CCNJL: variants seen among roughly 807,000 people sequenced by gnomAD.
CCNJL encodes cyclin-J-like protein.
A neutral mutation model predicts 33.4 loss-of-function variants in CCNJL; 33 were observed. That is an observed-to-expected ratio of 0.99 (90% CI 0.75 to 1.32). The LOEUF is 1.32. CCNJL is among the 40% of genes most tolerant of loss of function. The probability of loss-of-function intolerance (pLI) is 0.00; values close to 1 mark genes in which losing one functional copy is unlikely to be tolerated. For synonymous variants in CCNJL, 227 were observed against 220.9 expected (o/e 1.03, Z -0.24); for missense variants, 512 against 499.7 (o/e 1.02, Z -0.23).
chr5:160,272,277 A>G (rs1761863751), intron 3 of CCNJL, among the ~76,000 whole-genome samples: 1 of 152,218 alleles, frequency 6.6e-6, no homozygotes, highest in African/African-American at 2.4e-5. Flanking sequence ...TAATCAAAGC[A>G]GGGGTGAGTG....
At chr5:160,315,086 A>G (rs1487188079), upstream of CCNJL, among the ~76,000 whole-genome samples, 3 of 152,348 alleles carry the variant, frequency 2.0e-5, no homozygotes, top group East Asian at 5.8e-4. Context: ...GAACCATTAG[A>G]ACAGGGAACT....
intron 1 of CCNJL, among the ~76,000 whole-genome samples, chr5:160,339,182 C>A (rs1049763756): frequency 2.0e-5 from 3 of 151,952 alleles, no homozygotes; most frequent in Non-Finnish European, 4.4e-5. Flanking sequence ...TCTCTATAAA[C>A]AAGAGATGGC....
intron 2 of CCNJL, among the ~76,000 whole-genome samples, chr5:160,293,665 T>C (rs1033465072): frequency 3.9e-5 from 6 of 152,180 alleles, no homozygotes; most frequent in African/African-American, 1.4e-4. Flanking sequence ...GTAAATGCTA[T>C]GTGCATTTGC....
At chr5:160,278,642 G>A (rs528869920) in intron 3 of CCNJL, among the ~76,000 whole-genome samples, 2 of 152,304 alleles carry the variant, frequency 1.3e-5, no homozygotes, top group East Asian at 1.9e-4. Flanking sequence ...CTCCGCCAAG[G>A]TGGCAGCAGC....
rs1210928194 is a variant in CCNJL, at chr5:160,309,986, A to G, written c.66+1872T>C. Among the ~76,000 whole-genome samples, 7 of 152,326 alleles carry G rather than the reference A, an allele frequency of 4.6e-5. No individual in the cohort carries two copies. In the East Asian group the frequency reaches 1.2e-3, roughly 25 times the overall value. On this transcript the variant is annotated intron_variant, in intron 2 of 5. Coordinates refer to ENST00000257536, the MANE Select transcript of CCNJL (RefSeq NM_001308173.3). ...CCTTTCTTGCTTCTTTGAGCAGCCGAAGGAACATTTAGGACATCCTCCCTT... is the reference window on the plus strand; with the variant it reads ...CCTTTCTTGCTTCTTTGAGCAGCCGGAGGAACATTTAGGACATCCTCCCTT...
intron 3 of CCNJL, among the ~76,000 whole-genome samples, chr5:160,260,419 A>G (rs1355643095): frequency 1.3e-5 from 2 of 152,188 alleles, no homozygotes; most frequent in Non-Finnish European, 2.9e-5. Flanking sequence ...AAAGGACACA[A>G]GCGAGTCACC....
rs954339244 is a variant in CCNJL, at chr5:160,250,610, A to G, written c.*2768T>C. The G allele has an allele frequency of 6.6e-6, 1 of 152,182 alleles. No homozygotes were observed. Among genetic ancestry groups the G allele is most frequent in the Non-Finnish European group, 1.5e-5 (1 of 68,020 alleles). The allele number at this position is 152,182 out of a possible 1,614,324, so 9.4% of individuals were successfully genotyped here. A position where few individuals can be genotyped will look rare whatever the true frequency, so the allele number is the denominator to read the frequency against. On this transcript the variant is annotated 3_prime_UTR_variant, in exon 6 of 6. Transcript: ENST00000257536. ...AGAAGTCTTGAGTGAGACTCCCTTC[A>G]AGGAGGAGTACGAATCTGACATTTT...
At chr5:160,320,831 TTC>T (rs781200189) in intron 1 of CCNJL, among the ~76,000 whole-genome samples, 2 of 123,922 alleles carry the variant, frequency 1.6e-5, no homozygotes, top group Non-Finnish European at 3.5e-5. Context: ...CTTTCTTTCT[TTC>T]TTTCTTTCTT....
intron 3 of CCNJL, among the ~76,000 whole-genome samples, chr5:160,265,085 G>C (rs570783487): frequency 2.6e-5 from 4 of 152,316 alleles, no homozygotes; most frequent in Non-Finnish European, 1.5e-5. Flanking sequence ...AGGTTCTGTA[G>C]AAATTCAGCA....
At chr5:160,274,276 T>C (rs1003553221) in intron 3 of CCNJL, among the ~76,000 whole-genome samples, 1 of 151,950 alleles carries the variant, frequency 6.6e-6, no homozygotes, top group Non-Finnish European at 1.5e-5. Flanking sequence ...CTGGCCAACA[T>C]GGTGAAACCC....
rs183824063 is a variant in CCNJL at position 160,321,719 on chromosome 5, A to T, written n.207-6214T>A. On this transcript the variant is annotated intron_variant and non_coding_transcript_variant, in intron 1 of 7. Transcript: ENST00000377503. Reference sequence around the variant, plus strand: ...CACTTTGGGAGGCAGAGGCAGGTAGATCAGTAGTTCAAGACCAGCCTTGCC... The same window carrying T: ...CACTTTGGGAGGCAGAGGCAGGTAGTTCAGTAGTTCAAGACCAGCCTTGCC... Among the ~76,000 whole-genome samples the T allele has an allele frequency of 2.1e-4, 32 of 152,284 alleles. No homozygotes were observed. In the East Asian group the frequency reaches 6.0e-3, roughly 28 times the overall value.
intron 2 of CCNJL, among the ~76,000 whole-genome samples, chr5:160,291,396 G>T (rs1762580463): frequency 1.3e-5 from 2 of 152,186 alleles, no homozygotes; most frequent in Admixed American, 6.5e-5. Flanking sequence ...CTCCTTAAAG[G>T]AAGCCTATAT....
intron 2 of CCNJL, among the ~76,000 whole-genome samples, chr5:160,303,689 C>T (rs1762996596): frequency 1.5e-5 from 2 of 135,370 alleles, no homozygotes; most frequent in Admixed American, 8.0e-5. Flanking sequence ...TTAAACAAAT[C>T]CTCTGTGTGT....
intron 2 of CCNJL, among the ~76,000 whole-genome samples, chr5:160,306,828 G>A (rs1020398546): frequency 6.6e-6 from 1 of 152,244 alleles, no homozygotes; most frequent in African/African-American, 2.4e-5. Flanking sequence ...CTACATTTCT[G>A]TTATCTGGGC....
intron 2 of CCNJL, among the ~76,000 whole-genome samples, chr5:160,304,298 G>A (rs1665867458): frequency 6.6e-6 from 1 of 152,320 alleles, no homozygotes; most frequent in African/African-American, 2.4e-5. Flanking sequence ...CAGTTTCAAA[G>A]CTAGACACTA....
At chr5:160,266,027 C>T (rs868740935) in intron 3 of CCNJL, among the ~76,000 whole-genome samples, 1 of 152,158 alleles carries the variant, frequency 6.6e-6, no homozygotes, top group Non-Finnish European at 1.5e-5. Context: ...ATCCCCATGC[C>T]CCTCCAGCAG....
At chr5:160,322,492 A>G (rs1214336384) in intron 1 of CCNJL, among the ~76,000 whole-genome samples, 1 of 152,232 alleles carries the variant, frequency 6.6e-6, no homozygotes, top group Non-Finnish European at 1.5e-5. Context: ...AGGGTGTTGA[A>G]TAAGTGCGAG....
rs533280869 is a variant in CCNJL at position 160,249,209 on chromosome 5, G to C, written c.*4169C>G. ...TTAATTACATCCAGAAAGGACACTTGCATGCTAGTTTATCTATGGTCAGTT... is the reference window on the plus strand; with the variant it reads ...TTAATTACATCCAGAAAGGACACTTCCATGCTAGTTTATCTATGGTCAGTT... On this transcript the variant is annotated 3_prime_UTR_variant, in exon 6 of 6. Coordinates refer to ENST00000257536, the MANE Select transcript of CCNJL (RefSeq NM_001308173.3). 2.6e-5 allele frequency: 4 copies of C among 152,292 alleles called. No individual in the cohort carries two copies. The highest frequency in any genetic ancestry group is 1.3e-4 in the Admixed American group (2 of 15,298). 9.4% of individuals were successfully genotyped at this position (152,292 alleles called of 1,614,324 possible).
chr5:160,254,984 G>A (rs1231017805), intron 5 of CCNJL: 1 of 152,178 alleles, frequency 6.6e-6, no homozygotes. Context: ...ATTTAAAGGT[G>A]CAAACAGCCC....
Sources: allele counts gnomAD v4.1 joint callset (sites outside exome capture counted in the v4.1 genomes callset), GRCh38; gene constraint gnomAD v4.1.1; transcripts MANE v1.5; gene names NCBI Gene and HGNC (gene_info 2026-07-23, HGNC 2026-07-21).